AUTS2: variants seen among roughly 807,000 people sequenced by gnomAD.
The protein encoded by AUTS2 is activator of transcription and developmental regulator AUTS2.
In AUTS2, 17 loss-of-function variants were observed where a neutral mutation model predicts 112.4. The observed-to-expected ratio is 0.15, with a 90% CI of 0.10 to 0.23. The LOEUF (loss-of-function observed/expected upper bound fraction) is 0.23. Ranked by LOEUF, AUTS2 falls within the 10% of genes least tolerant of loss-of-function variation. AUTS2 has a pLI of 1.00. For synonymous variants in AUTS2, 751 were observed against 702.7 expected (o/e 1.07, Z -1.09); for missense variants, 1,510 against 1,701.6 (o/e 0.89, Z 1.98).
At position 70,777,086 on chromosome 7, in the gene AUTS2, G is replaced by A. The variant is rs1790752594; in HGVS notation, c.1933-17G>A. 6.2e-7 allele frequency: 1 copy of A among 1,613,160 alleles called. No homozygotes were observed. The highest frequency in any genetic ancestry group is 8.5e-7 in the Non-Finnish European group (1 of 1,179,140). ...GAAATGTCTTCCTCCTAACCACGTTGCTCTTTCTTGTTCCAGAAACCAGGG... is the reference window on the plus strand; with the variant it reads ...GAAATGTCTTCCTCCTAACCACGTTACTCTTTCTTGTTCCAGAAACCAGGG... On this transcript the variant is annotated splice_polypyrimidine_tract_variant and intron_variant, in intron 13 of 18. Coordinates refer to ENST00000342771, the MANE Select transcript of AUTS2 (RefSeq NM_015570.4).
chr7:69,984,263 C>T (rs538723211), intron 2 of AUTS2, among the ~76,000 whole-genome samples: 7 of 151,956 alleles, frequency 4.6e-5, no homozygotes, highest in African/African-American at 1.2e-4. Flanking sequence ...AAAAATTAGC[C>T]GGGCATGGTG....
intron 5 of AUTS2, chr7:70,596,397 G>C (rs1452561251): frequency 2.0e-5 from 3 of 152,332 alleles, no homozygotes; most frequent in Admixed American, 1.3e-4. Context: ...TCGGAAGCCA[G>C]ACCCGGGGAG....
At chr7:70,235,819 T>G (rs921085676) in intron 4 of AUTS2, among the ~76,000 whole-genome samples, 1 of 151,882 alleles carries the variant, frequency 6.6e-6, no homozygotes, top group Non-Finnish European at 1.5e-5. Context: ...GCCGGGCTAA[T>G]TTTTTGTGTT....
chr7:70,667,478 A>G (rs1807408059), intron 5 of AUTS2, among the ~76,000 whole-genome samples: 1 of 152,212 alleles, frequency 6.6e-6, no homozygotes, highest in Non-Finnish European at 1.5e-5. Flanking sequence ...TCGCCTTCAC[A>G]CTTCTTTTCC....
intron 5 of AUTS2, among the ~76,000 whole-genome samples, chr7:70,541,117 G>A (rs1800536741): frequency 1.3e-5 from 2 of 152,108 alleles, no homozygotes; most frequent in African/African-American, 4.8e-5. Context: ...TTGAAAGCAG[G>A]TACTTATTCC....
At chr7:69,846,638 A>G (rs1010703364) in intron 1 of AUTS2, among the ~76,000 whole-genome samples, 24 of 152,208 alleles carry the variant, frequency 1.6e-4, no homozygotes, top group Admixed American at 3.3e-4. Context: ...CAGTGGCACA[A>G]TCTTGGCTCA....
intron 5 of AUTS2, among the ~76,000 whole-genome samples, chr7:70,444,647 A>G (rs1796251650): frequency 6.6e-6 from 1 of 152,122 alleles, no homozygotes; most frequent in Admixed American, 6.5e-5. Flanking sequence ...GATTTTCCCT[A>G]TCAGTTTCCA....
At chr7:69,622,387 G>T (rs1366733547) in intron 1 of AUTS2, among the ~76,000 whole-genome samples, 1 of 152,168 alleles carries the variant, frequency 6.6e-6, no homozygotes, top group Non-Finnish European at 1.5e-5. Context: ...AGGAAATGTG[G>T]ATTGGATTTA....
intron 1 of AUTS2, among the ~76,000 whole-genome samples, chr7:69,689,608 G>A (rs1797226876): frequency 6.7e-6 from 1 of 148,392 alleles, no homozygotes. Context: ...CTGAAGTGCT[G>A]GGATTACAGG....
intron 3 of AUTS2, 177 bp downstream of exon 3, chr7:70,118,410 G>T: frequency 1.3e-6 from 1 of 744,830 alleles, no homozygotes; most frequent in Non-Finnish European, 1.9e-6. Context: ...TGTAGTTATG[G>T]TGTCATTCTA....
intron 5 of AUTS2, among the ~76,000 whole-genome samples, chr7:70,677,820 A>AC (rs1470885922): frequency 2.0e-5 from 3 of 151,556 alleles, no homozygotes; most frequent in African/African-American, 7.3e-5. Flanking sequence ...GCGGTGGCTG[A>AC]CGCCTATAAT....
intron 5 of AUTS2, among the ~76,000 whole-genome samples, chr7:70,496,464 GTC>G (rs1491322507): frequency 1.2e-5 from 1 of 85,536 alleles, no homozygotes; most frequent in Non-Finnish European, 2.3e-5. Flanking sequence ...CACGTACACA[GTC>G]ACACACACAC....
At chr7:70,053,544 G>GTTTGTTTTTTTTTTTTTT (rs1801849869) in intron 2 of AUTS2, among the ~76,000 whole-genome samples, 2 of 127,834 alleles carry the variant, frequency 1.6e-5, no homozygotes, top group African/African-American at 6.2e-5. Context: ...GTTTTGGGTG[G>GTTTGTTTTTTTTTTTTTT]TTTTTTTTTT....
intron 4 of AUTS2, among the ~76,000 whole-genome samples, chr7:70,283,546 A>G (rs1247147026): frequency 6.6e-6 from 1 of 152,172 alleles, no homozygotes; most frequent in Admixed American, 6.5e-5. Flanking sequence ...CTTTTGTGGT[A>G]TGTGTATATA....
intron 4 of AUTS2, among the ~76,000 whole-genome samples, chr7:70,167,821 G>T: frequency 6.6e-6 from 1 of 152,114 alleles, no homozygotes; most frequent in Non-Finnish European, 1.5e-5. Flanking sequence ...CCATATCAAA[G>T]AGTAAGTCTC....
At chr7:70,212,869 T>G (rs1810978903) in intron 4 of AUTS2, among the ~76,000 whole-genome samples, 1 of 152,146 alleles carries the variant, frequency 6.6e-6, no homozygotes, top group Non-Finnish European at 1.5e-5. Flanking sequence ...GTCTCAAACT[T>G]GGGACTTTTC....
At chr7:70,085,748 C>G (rs938254870) in intron 2 of AUTS2, among the ~76,000 whole-genome samples, 4 of 152,152 alleles carry the variant, frequency 2.6e-5, no homozygotes, top group Non-Finnish European at 4.4e-5. Flanking sequence ...ACCTTTGCAT[C>G]CTTGTCAAAA....
At chr7:70,695,049 A>T (rs538953732) in intron 5 of AUTS2, 2 of 152,188 alleles carry the variant, frequency 1.3e-5, no homozygotes, top group Non-Finnish European at 2.9e-5. Context: ...CAACCAGGTA[A>T]TGAAGCCCCC....
At chr7:70,435,564 C>T (rs1795857123) in intron 4 of AUTS2, among the ~76,000 whole-genome samples, 188 bp from the exon 5 acceptor site, 1 of 152,162 alleles carries the variant, frequency 6.6e-6, no homozygotes, top group Non-Finnish European at 1.5e-5. Flanking sequence ...ATCTGGATAG[C>T]ATTTTGTTTC....
Sources: allele counts gnomAD v4.1 joint callset (sites outside exome capture counted in the v4.1 genomes callset), GRCh38; gene constraint gnomAD v4.1.1; transcripts MANE v1.5; gene names NCBI Gene and HGNC (gene_info 2026-07-23, HGNC 2026-07-21).